GPC6: variants seen among roughly 807,000 people sequenced by gnomAD.
The protein encoded by GPC6 is glypican 6, also known as glypican-6.
A neutral mutation model predicts 55.2 loss-of-function variants in GPC6; 14 were observed. The ratio of observed to expected loss-of-function variants is 0.25; its 90% CI spans 0.17 to 0.40. The LOEUF (loss-of-function observed/expected upper bound fraction) is 0.40. Among genes scored for constraint, GPC6 ranks in the 10% least tolerant of loss-of-function variants. GPC6 has a pLI of 1.00. For synonymous variants in GPC6, 278 were observed against 259.6 expected (o/e 1.07, Z -0.68); for missense variants, 641 against 708.5 (o/e 0.90, Z 1.08).
intron 2 of GPC6, among the ~76,000 whole-genome samples, chr13:93,794,269 G>T (rs940566986): frequency 1.3e-5 from 2 of 152,164 alleles, no homozygotes; most frequent in African/African-American, 4.8e-5. Context: ...CCACAGACTG[G>T]AAGATGTTAC....
intron 3 of GPC6, among the ~76,000 whole-genome samples, chr13:94,014,188 A>G (rs1262249792): frequency 2.6e-5 from 4 of 152,198 alleles, no homozygotes; most frequent in Admixed American, 1.3e-4. Context: ...TGGAATTAGA[A>G]GGCCCCAAGG....
chr13:94,086,459 A>T (rs1885286039), intron 4 of GPC6, among the ~76,000 whole-genome samples: 1 of 120,198 alleles, frequency 8.3e-6, no homozygotes, highest in African/African-American at 3.1e-5. Context: ...TCACATTCAA[A>T]TTAATTTTGT....
intron 1 of GPC6, among the ~76,000 whole-genome samples, chr13:93,383,288 T>A (rs886383053): frequency 2.0e-5 from 3 of 152,192 alleles, no homozygotes; most frequent in African/African-American, 4.8e-5. Context: ...CATGGCTCAC[T>A]GCAGCCCTGA....
At chr13:93,525,384 A>G (rs1881607001) in intron 1 of GPC6, among the ~76,000 whole-genome samples, 1 of 152,076 alleles carries the variant, frequency 6.6e-6, no homozygotes, top group Admixed American at 6.6e-5. Flanking sequence ...CCAATTGTCT[A>G]AGAGCATGTG....
chr13:94,208,818 C>G (rs1056334080), intron 4 of GPC6, among the ~76,000 whole-genome samples: 4 of 149,544 alleles, frequency 2.7e-5, no homozygotes, highest in Admixed American at 6.7e-5. Context: ...ACTCGAGACG[C>G]TGAAGCGGGA....
At chr13:94,218,213 C>T (rs1235647854) in intron 4 of GPC6, among the ~76,000 whole-genome samples, 1 of 152,162 alleles carries the variant, frequency 6.6e-6, no homozygotes, top group Non-Finnish European at 1.5e-5. Context: ...GAGCCCTTTT[C>T]CTCCTGTAAA....
intron 2 of GPC6, among the ~76,000 whole-genome samples, chr13:93,812,979 T>G (rs1396184164): frequency 3.3e-5 from 5 of 152,222 alleles, no homozygotes; most frequent in Admixed American, 1.3e-4. Context: ...CCACTTATGT[T>G]GTGATATGTA....
intron 2 of GPC6, among the ~76,000 whole-genome samples, chr13:93,783,946 A>ATAAAAGGTAGAG (rs1457100623): frequency 2.0e-5 from 3 of 152,218 alleles, no homozygotes; most frequent in African/African-American, 7.2e-5. Flanking sequence ...ATACCAAAAA[A>ATAAAAGGTAGAG]TAAAAGGTAG....
chr13:93,654,172 T>G (rs1230010961), intron 2 of GPC6, among the ~76,000 whole-genome samples: 1 of 152,174 alleles, frequency 6.6e-6, no homozygotes, highest in Non-Finnish European at 1.5e-5. Flanking sequence ...TGCACCATCA[T>G]TTTTCTTTTC....
intron 2 of GPC6, among the ~76,000 whole-genome samples, chr13:93,802,901 T>C (rs770415496): frequency 4.6e-5 from 7 of 152,214 alleles, no homozygotes; most frequent in Admixed American, 6.5e-5. Flanking sequence ...ATTAAGAGTT[T>C]TCTCTACTCC....
chr13:94,171,217 T>C (rs12020128), intron 4 of GPC6, among the ~76,000 whole-genome samples: 4 of 152,152 alleles, frequency 2.6e-5, no homozygotes, highest in African/African-American at 2.4e-5. Context: ...CTACTGATGG[T>C]CTCAATAAAT....
At chr13:93,577,163 G>A (rs1876706952) in intron 2 of GPC6, among the ~76,000 whole-genome samples, 1 of 152,042 alleles carries the variant, frequency 6.6e-6, no homozygotes, top group Admixed American at 6.6e-5. Context: ...AAGTTATGGG[G>A]AGCAACAGAA....
At chr13:94,133,063 G>A (rs1345616720) in intron 4 of GPC6, among the ~76,000 whole-genome samples, 2 of 151,946 alleles carry the variant, frequency 1.3e-5, no homozygotes, top group East Asian at 3.9e-4. Context: ...TATTCCTATG[G>A]AATGTTGATT....
At chr13:94,033,136 T>C (rs1249838174) in intron 4 of GPC6, among the ~76,000 whole-genome samples, 1 of 152,234 alleles carries the variant, frequency 6.6e-6, no homozygotes, top group Non-Finnish European at 1.5e-5. Context: ...GAGGCTGTTC[T>C]ATTTTACTTT....
intron 7 of GPC6, 92 bp from the exon 8 acceptor site, chr13:94,398,374 C>CA: frequency 1.0e-6 from 1 of 973,246 alleles, no homozygotes; most frequent in Non-Finnish European, 1.6e-6. Context: ...GGCTGACTGT[C>CA]AGAGACAGTC....
At chr13:94,262,121 A>T (rs1257152071) in intron 4 of GPC6, among the ~76,000 whole-genome samples, 1 of 152,134 alleles carries the variant, frequency 6.6e-6, no homozygotes, top group Non-Finnish European at 1.5e-5. Context: ...ATAGAGAGCA[A>T]ATTCATCAGC....
At chr13:93,874,569 G>A (rs1889230047) in intron 3 of GPC6, among the ~76,000 whole-genome samples, 1 of 149,294 alleles carries the variant, frequency 6.7e-6, no homozygotes, top group Non-Finnish European at 1.5e-5. Flanking sequence ...AAATAGAAAG[G>A]GATCCACACT....
intron 4 of GPC6, among the ~76,000 whole-genome samples, chr13:94,170,306 C>T (rs1394847375): frequency 6.6e-6 from 1 of 152,172 alleles, no homozygotes; most frequent in African/African-American, 2.4e-5. Context: ...TGATGGTTTT[C>T]ACCACTAATT....
chr13:93,970,648 C>T (rs1486718547), intron 3 of GPC6, among the ~76,000 whole-genome samples: 2 of 152,166 alleles, frequency 1.3e-5, no homozygotes, highest in African/African-American at 2.4e-5. Flanking sequence ...TCCGGTCACT[C>T]ATGTTTATCA....
Sources: allele counts gnomAD v4.1 joint callset (sites outside exome capture counted in the v4.1 genomes callset), GRCh38; gene constraint gnomAD v4.1.1; transcripts MANE v1.5; gene names NCBI Gene and HGNC (gene_info 2026-07-23, HGNC 2026-07-21).